SPTBN1: variants seen among roughly 807,000 people sequenced by gnomAD.
The protein encoded by SPTBN1 is spectrin beta chain, non-erythrocytic 1.
Under a neutral mutation model 266.4 loss-of-function variants are expected in SPTBN1, and 32 were observed. That is an observed-to-expected ratio of 0.12 (90% CI 0.09 to 0.16). The LOEUF (loss-of-function observed/expected upper bound fraction) is 0.16. Among genes scored for constraint, SPTBN1 ranks in the 10% least tolerant of loss-of-function variants. The pLI, the probability that SPTBN1 is intolerant of heterozygous loss-of-function variation, is 1.00. For synonymous variants in SPTBN1, 1,336 were observed against 1,162.2 expected (o/e 1.15, Z -3.04); for missense variants, 2,296 against 3,067.1 (o/e 0.75, Z 5.94).
At chr2:54,522,504 AC>A (rs1200355334) in intron 1 of SPTBN1, among the ~76,000 whole-genome samples, 1 of 151,714 alleles carries the variant, frequency 6.6e-6, no homozygotes, top group Non-Finnish European at 1.5e-5. Context: ...GATAGTGCAC[AC>A]CTGTAATTCC....
chr2:54,481,993 C>G (rs1668125898), intron 1 of SPTBN1, among the ~76,000 whole-genome samples: 1 of 152,124 alleles, frequency 6.6e-6, no homozygotes, highest in South Asian at 2.1e-4. Flanking sequence ...TAAAGCAGCC[C>G]ATTTTTTGGA....
intron 1 of SPTBN1, among the ~76,000 whole-genome samples, chr2:54,506,608 A>G (rs1669570250): frequency 7.1e-6 from 1 of 140,138 alleles, no homozygotes; most frequent in African/African-American, 2.4e-5. Flanking sequence ...AAGTTTGTTC[A>G]TTAAACATTT....
At chr2:54,639,245 G>A (rs1049861002) in intron 18 of SPTBN1, among the ~76,000 whole-genome samples, 1 of 152,242 alleles carries the variant, frequency 6.6e-6, no homozygotes, top group African/African-American at 2.4e-5. Flanking sequence ...CTAGTGTGCT[G>A]CGGTAATACC....
intron 3 of SPTBN1, among the ~76,000 whole-genome samples, chr2:54,605,976 C>A (rs1244683694): frequency 6.6e-6 from 1 of 152,082 alleles, no homozygotes; most frequent in Admixed American, 6.5e-5. Flanking sequence ...GTTTGGGCCC[C>A]ATCACCACCC....
chr2:54,584,849 C>T (rs961580281), intron 2 of SPTBN1, among the ~76,000 whole-genome samples: 7 of 152,084 alleles, frequency 4.6e-5, no homozygotes, highest in African/African-American at 1.7e-4. Flanking sequence ...CCCAAACTGA[C>T]AAAACTACAA....
At chr2:54,582,451 C>G (rs1674998089) in intron 2 of SPTBN1, among the ~76,000 whole-genome samples, 1 of 151,394 alleles carries the variant, frequency 6.6e-6, no homozygotes, top group African/African-American at 2.4e-5. Context: ...GTAGTCCCAG[C>G]TACTCTGGAG....
chr2:54,628,373 A>G lies in SPTBN1; in HGVS notation c.1798+123A>G, dbSNP rs1305611786. 9 of 1,255,600 alleles carry G rather than the reference A, an allele frequency of 7.2e-6. No individual in the cohort carries two copies. The highest frequency in any genetic ancestry group is 9.5e-6 in the Non-Finnish European group (9 of 949,602). 77.8% of individuals were successfully genotyped at this position (1,255,600 alleles called of 1,614,324 possible). ...TTCCTGGTGGGTTTGTCATGGGAGC[A>G]TGAAATACGGTGGAGTGGCCTTCTG... On this transcript the variant is annotated intron_variant, in intron 13 of 35. Coordinates refer to ENST00000356805, the MANE Select transcript of SPTBN1 (RefSeq NM_003128.3). This position sits in a 1 kb window ranked among gnomAD's most constrained non-coding sequence, Gnocchi z 4.3.
chr2:54,498,451 G>C (rs1289818733), intron 1 of SPTBN1, among the ~76,000 whole-genome samples: 1 of 152,178 alleles, frequency 6.6e-6, no homozygotes, highest in African/African-American at 2.4e-5. Context: ...GTTTACCTCT[G>C]TGACCTTGGA....
intron 2 of SPTBN1, among the ~76,000 whole-genome samples, chr2:54,576,837 A>T (rs13415413): frequency 0.027 from 4,087 of 152,314 alleles, 173 homozygotes; most frequent in African/African-American, 0.089. Context: ...GAAAGGGAAT[A>T]CTAGGTAAGT....
intron 1 of SPTBN1, among the ~76,000 whole-genome samples, chr2:54,509,536 A>G (rs1275675301): frequency 6.6e-6 from 1 of 152,236 alleles, no homozygotes; most frequent in African/African-American, 2.4e-5. Context: ...AGTAAGGTCA[A>G]GTTGTTGATC....
At chr2:54,666,144 T>C in intron 34 of SPTBN1, 56 bp downstream of exon 34, 2 of 1,536,340 alleles carry the variant, frequency 1.3e-6, no homozygotes, top group Non-Finnish European at 1.8e-6. Flanking sequence ...ACTTCCACTC[T>C]GGGGTTTGGT....
intron 2 of SPTBN1, among the ~76,000 whole-genome samples, chr2:54,550,383 AC>A (rs1432278896): frequency 6.6e-6 from 1 of 152,172 alleles, no homozygotes; most frequent in East Asian, 1.9e-4. Context: ...AAATGACTGC[AC>A]CCTTAAAATA....
At chr2:54,553,964 G>A (rs1672722975) in intron 2 of SPTBN1, among the ~76,000 whole-genome samples, 1 of 152,112 alleles carries the variant, frequency 6.6e-6, no homozygotes, top group Admixed American at 6.6e-5. Flanking sequence ...TTAGTGTACA[G>A]GTCCACCAAG....
chr2:54,541,203 T>C (rs1297355466), intron 2 of SPTBN1, among the ~76,000 whole-genome samples: 1 of 152,222 alleles, frequency 6.6e-6, no homozygotes, highest in Non-Finnish European at 1.5e-5. Flanking sequence ...ACCAAATCTA[T>C]TAGCCCCATT....
At chr2:54,566,069 A>G (rs2104496628) in intron 2 of SPTBN1, among the ~76,000 whole-genome samples, 1 of 152,308 alleles carries the variant, frequency 6.6e-6, no homozygotes, top group South Asian at 2.1e-4. Context: ...AGCCACTTGT[A>G]GATCCTAGTG....
intron 2 of SPTBN1, among the ~76,000 whole-genome samples, chr2:54,579,405 A>C (rs1674717756): frequency 6.6e-6 from 1 of 151,796 alleles, no homozygotes; most frequent in Non-Finnish European, 1.5e-5. Flanking sequence ...CAGTACCACA[A>C]ACCAGAAGTT....
chr2:54,488,109 G>A lies in SPTBN1; in HGVS notation c.-48+31591G>A, dbSNP rs560341542. 2.2e-3 allele frequency among the ~76,000 whole-genome samples: 341 copies of A among 152,108 alleles called. 2 individuals carry two copies. Among genetic ancestry groups the A allele is most frequent in the African/African-American group, 7.7e-3 (320 of 41,496 alleles). On this transcript the variant is annotated intron_variant, in intron 1 of 35. Coordinates refer to ENST00000356805, the MANE Select transcript of SPTBN1 (RefSeq NM_003128.3). Reference sequence around the variant, plus strand: ...CTCCCAAAGTGCTGGGATTACAGGCGTGAGTCACTGCGCCCGGCCCATCAT... The same window carrying A: ...CTCCCAAAGTGCTGGGATTACAGGCATGAGTCACTGCGCCCGGCCCATCAT...
At position 54,670,297 on chromosome 2, in the gene SPTBN1, T is replaced by G. The variant is rs1437251752; in HGVS notation, c.*1728T>G. ...CATAGAGTCGTGGGTTATTTACAAG[T>G]GACATACTTTTCCTGGGTTATCTGG... On this transcript the variant is annotated 3_prime_UTR_variant, in exon 36 of 36. Transcript: ENST00000356805. The G allele has an allele frequency of 1.2e-5, 2 of 163,238 alleles. No homozygotes were observed. The highest frequency in any genetic ancestry group is 1.7e-4 in the East Asian group (1 of 5,906). The allele number at this position is 163,238 out of a possible 1,614,324, so 10.1% of individuals were successfully genotyped here.
In SPTBN1 at chr2:54,642,970, G is replaced by C. The variant is rs761570445; in HGVS notation, c.3859-13G>C. 3 of 1,609,548 alleles carry C rather than the reference G, an allele frequency of 1.9e-6. No individual in the cohort carries two copies. The highest frequency in any genetic ancestry group is 1.7e-6 in the Non-Finnish European group (2 of 1,177,628). On this transcript the variant is annotated splice_polypyrimidine_tract_variant and intron_variant, in intron 18 of 35. Coordinates refer to ENST00000356805, the MANE Select transcript of SPTBN1 (RefSeq NM_003128.3). ...AGGATCACAATCTCTGAATCCTTCT[G>C]ATCTTTCTGTAGCTGTCTCTCTGGA...
Sources: allele counts gnomAD v4.1 joint callset (sites outside exome capture counted in the v4.1 genomes callset), GRCh38; gene constraint gnomAD v4.1.1; non-coding constraint Gnocchi (gnomAD v3.1); transcripts MANE v1.5; gene names NCBI Gene and HGNC (gene_info 2026-07-23, HGNC 2026-07-21).